Variants in SLC16A10 observed in about 807,000 individuals in gnomAD.
SLC16A10 encodes the protein solute carrier family 16 member 10, also known as monocarboxylate transporter 10.
Under a neutral mutation model 40.0 loss-of-function variants are expected in SLC16A10, and 27 were observed. The observed-to-expected ratio is 0.67, with a 90% confidence interval of 0.50 to 0.93. SLC16A10 has a LOEUF of 0.93. SLC16A10 is among the 40% of genes least tolerant of loss of function. The pLI is 0.00. For synonymous variants in SLC16A10, 213 were observed against 249.8 expected (o/e 0.85, Z 1.39); for missense variants, 529 against 658.2 (o/e 0.80, Z 2.15).
intron 3 of SLC16A10, among the ~76,000 whole-genome samples, chr6:111,191,525 G>T (rs1772991902): frequency 2.0e-5 from 3 of 152,170 alleles, no homozygotes; most frequent in Non-Finnish European, 2.9e-5. Flanking sequence ...AATCCTTTGG[G>T]TATATAACCA....
At chr6:111,175,328 A>G (rs552882444) in intron 2 of SLC16A10, among the ~76,000 whole-genome samples, 1 of 152,308 alleles carries the variant, frequency 6.6e-6, no homozygotes, top group East Asian at 1.9e-4. Flanking sequence ...TGCAAATACC[A>G]TCATAAAGCT....
intron 4 of SLC16A10, among the ~76,000 whole-genome samples, chr6:111,210,300 G>GA (rs1208052348): frequency 6.6e-6 from 1 of 152,152 alleles, no homozygotes; most frequent in East Asian, 1.9e-4. Flanking sequence ...AGAGGTCCAG[G>GA]CAGTCACAGG....
chr6:111,129,351 A>C (rs990339109), intron 1 of SLC16A10, among the ~76,000 whole-genome samples: 3 of 152,242 alleles, frequency 2.0e-5, no homozygotes, highest in Admixed American at 6.5e-5. Context: ...CAGTGTTAGA[A>C]AATAGGAAAA....
In SLC16A10 at chr6:111,229,058, C is replaced by T. The variant is rs923158711; in HGVS notation, c.*6823C>T. The T allele has an allele frequency of 6.7e-6, 1 of 150,052 alleles. No homozygotes were observed. Among genetic ancestry groups the T allele is most frequent in the African/African-American group, 2.5e-5 (1 of 40,552 alleles). 9.3% of individuals were successfully genotyped at this position (150,052 alleles called of 1,614,324 possible). On this transcript the variant is annotated 3_prime_UTR_variant, in exon 6 of 6. Transcript: ENST00000368851. ...AAAAAAAAAAAAAAAAATAGTGCTG[C>T]ATTTTGACCCTGGACTATGAACAGA... is the stretch of plus-strand genomic sequence containing the variant.
chr6:111,190,078 T>C (rs1308114124), intron 3 of SLC16A10, among the ~76,000 whole-genome samples: 2 of 152,212 alleles, frequency 1.3e-5, no homozygotes, highest in Non-Finnish European at 2.9e-5. Context: ...AGTTAGTTAC[T>C]TCCTAGATAC....
chr6:111,226,255 G>C lies in SLC16A10; in HGVS notation c.*4020G>C, dbSNP rs1770993158. 1 of 152,054 alleles carries C rather than the reference G, an allele frequency of 6.6e-6. No homozygotes were observed. Among genetic ancestry groups the C allele is most frequent in the African/African-American group, 2.4e-5 (1 of 41,392 alleles). 9.4% of individuals were successfully genotyped at this position (152,054 alleles called of 1,614,324 possible). A position where few individuals can be genotyped will look rare whatever the true frequency, so the allele number is the denominator to read the frequency against. ...TTACTTTGATTTCCAGTTTCACTAAGGTTTCATTAAATCTTAGTTCCGAGA... is the reference window on the plus strand; with the variant it reads ...TTACTTTGATTTCCAGTTTCACTAACGTTTCATTAAATCTTAGTTCCGAGA... On this transcript the variant is annotated 3_prime_UTR_variant, in exon 6 of 6. Coordinates refer to ENST00000368851, the MANE Select transcript of SLC16A10 (RefSeq NM_018593.5).
intron 3 of SLC16A10, among the ~76,000 whole-genome samples, chr6:111,190,095 G>A (rs1268011516): frequency 6.6e-6 from 1 of 152,166 alleles, no homozygotes; most frequent in East Asian, 1.9e-4. Context: ...ATACAATAGG[G>A]GTACATGCAT....
intron 1 of SLC16A10, among the ~76,000 whole-genome samples, chr6:111,167,272 C>G (rs1772492855): frequency 6.6e-6 from 1 of 152,120 alleles, no homozygotes; most frequent in Non-Finnish European, 1.5e-5. Context: ...CACAAAGCAT[C>G]CTGCCTTTAA....
At chr6:111,190,421 G>A (rs1050760631) in intron 3 of SLC16A10, among the ~76,000 whole-genome samples, 2 of 152,212 alleles carry the variant, frequency 1.3e-5, no homozygotes, top group African/African-American at 2.4e-5. Flanking sequence ...GGGGTCTGGA[G>A]GACGGTAGCC....
At chr6:111,167,650 T>G (rs1448246129) in intron 1 of SLC16A10, among the ~76,000 whole-genome samples, 1 of 150,488 alleles carries the variant, frequency 6.6e-6, no homozygotes, top group Non-Finnish European at 1.5e-5. Context: ...ATTTATTGTG[T>G]GTGTGTGTAT....
intron 1 of SLC16A10, among the ~76,000 whole-genome samples, chr6:111,147,299 T>G (rs1035853551): frequency 5.3e-5 from 8 of 152,166 alleles, no homozygotes; most frequent in African/African-American, 1.4e-4. Flanking sequence ...TATAAAGTAT[T>G]TATAGCCAAA....
At chr6:111,220,658 G>A (rs1016439714) in intron 5 of SLC16A10, among the ~76,000 whole-genome samples, 9 of 152,128 alleles carry the variant, frequency 5.9e-5, no homozygotes, top group South Asian at 2.1e-4. Flanking sequence ...CTTCTCTCCC[G>A]CAGGTAATAT....
intron 2 of SLC16A10, among the ~76,000 whole-genome samples, chr6:111,175,742 C>T (rs1352797617): frequency 6.6e-6 from 1 of 150,748 alleles, no homozygotes; most frequent in Non-Finnish European, 1.5e-5. Flanking sequence ...CACTATTACT[C>T]AGGCCAGAAT....
rs546474731 is a variant in SLC16A10, at chr6:111,106,748, C to A, written c.343+18653C>A. 2.6e-5 allele frequency among the ~76,000 whole-genome samples: 4 copies of A among 152,282 alleles called. No homozygotes were observed. In the East Asian group the frequency reaches 7.7e-4, roughly 29 times the overall value. ...TGAATAGAAACTAGTTGCCTTCAAC[C>A]CTTTCCTCCCTGCATTGCAGCATGA... On this transcript the variant is annotated intron_variant, in intron 1 of 5. Coordinates refer to ENST00000368851, the MANE Select transcript of SLC16A10 (RefSeq NM_018593.5).
chr6:111,193,957 G>C (rs1773038380), intron 3 of SLC16A10, among the ~76,000 whole-genome samples: 3 of 152,174 alleles, frequency 2.0e-5, no homozygotes, highest in African/African-American at 7.2e-5. Flanking sequence ...GTTTTGTGTG[G>C]GAAGTGTCCT....
intron 1 of SLC16A10, among the ~76,000 whole-genome samples, chr6:111,108,804 C>T (rs531698873): frequency 1.5e-4 from 23 of 152,088 alleles, no homozygotes; most frequent in Non-Finnish European, 2.9e-4. Flanking sequence ...CAAAATAATG[C>T]CATTTTCATA....
At chr6:111,215,582 C>G (rs775774090) in intron 4 of SLC16A10, among the ~76,000 whole-genome samples, 1 of 152,098 alleles carries the variant, frequency 6.6e-6, no homozygotes, top group Non-Finnish European at 1.5e-5. Context: ...AATCTGGCCC[C>G]GTACCATCCT....
At chr6:111,106,197 A>T (rs547403224) in intron 1 of SLC16A10, among the ~76,000 whole-genome samples, 2 of 152,222 alleles carry the variant, frequency 1.3e-5, no homozygotes, top group Non-Finnish European at 2.9e-5. Flanking sequence ...AATTCATGCA[A>T]TCTTTTAAAT....
At chr6:111,167,621 G>GTTATTTAT (rs58079056) in intron 1 of SLC16A10, among the ~76,000 whole-genome samples, 4,432 of 149,548 alleles carry the variant, frequency 0.03, 163 homozygotes, top group African/African-American at 0.09. Flanking sequence ...GGGCTCGATT[G>GTTATTTAT]TTATTTATTT....
Sources: allele counts gnomAD v4.1 joint callset (sites outside exome capture counted in the v4.1 genomes callset), GRCh38; gene constraint gnomAD v4.1.1; transcripts MANE v1.5; gene names NCBI Gene and HGNC (gene_info 2026-07-23, HGNC 2026-07-21).